Variants in FANCC observed in about 807,000 individuals in gnomAD.
The protein encoded by FANCC is FA complementation group C.
A neutral mutation model predicts 71.3 loss-of-function variants in FANCC; 55 were observed. The observed-to-expected ratio is 0.77, with a 90% confidence interval of 0.62 to 0.97. The LOEUF (loss-of-function observed/expected upper bound fraction) is 0.97, where lower values mean the gene tolerates loss of function less well. FANCC is among the 50% of genes least tolerant of loss of function. FANCC has a pLI of 0.00. For synonymous variants in FANCC, 275 were observed against 244.9 expected, an observed-to-expected ratio of 1.12 and a Z score of -1.15; for missense variants, 678 against 670.9, an observed-to-expected ratio of 1.01 and a Z score of -0.12.
At chr9:95,166,333 AT>A (rs1406510901) in intron 6 of FANCC, among the ~76,000 whole-genome samples, 1 of 151,644 alleles carries the variant, frequency 6.6e-6, no homozygotes, top group African/African-American at 2.4e-5. Flanking sequence ...GGTTTCATTG[AT>A]TTTTTTCATA....
At chr9:95,198,202 T>G (rs1183956732) in intron 4 of FANCC, among the ~76,000 whole-genome samples, 1 of 152,102 alleles carries the variant, frequency 6.6e-6, no homozygotes, top group Non-Finnish European at 1.5e-5. Context: ...GCTTGGGACT[T>G]AGGTGGGAAA....
chr9:95,104,014 G>A (rs948943954), intron 14 of FANCC, among the ~76,000 whole-genome samples: 3 of 152,182 alleles, frequency 2.0e-5, no homozygotes, highest in Admixed American at 6.5e-5. Context: ...AGGTCCTGAG[G>A]GTGGAGAGAC....
At chr9:95,292,245 T>C (rs961945452) in intron 1 of FANCC, 57 of 175,956 alleles carry the variant, frequency 3.2e-4, no homozygotes, top group African/African-American at 1.3e-3. Context: ...AAACTGGATA[T>C]CCACATGCAG....
chr9:95,107,155 G>C lies in FANCC; in HGVS notation c.1444C>G (p.Pro482Ala). 6.2e-7 allele frequency: 1 copy of C among 1,614,208 alleles called. No homozygotes were observed. Among genetic ancestry groups the C allele is most frequent in the South Asian group, 1.1e-5 (1 of 91,080 alleles). The stretch of plus-strand genomic sequence containing the variant: ...AGGTGCCTGATCAGCTGTTGTGCAG[G>C]AGCTCTGAGGTCTGTGTCTGTGCCC... ...GQGTDTDLRA[P>A]AQQLIRHLLL... The change falls in exon 14 of 15, where the codon CCT becomes GCT. Residue 482 changes from proline to alanine, a missense_variant. Coordinates refer to ENST00000289081, the MANE Select transcript of FANCC (RefSeq NM_000136.3).
intron 4 of FANCC, among the ~76,000 whole-genome samples, chr9:95,178,180 G>A (rs1045538324): frequency 2.0e-5 from 3 of 152,036 alleles, no homozygotes; most frequent in Admixed American, 2.0e-4. Flanking sequence ...AGTGAAAATG[G>A]ACTTGTACCC....
chr9:95,240,764 T>A, intron 3 of FANCC, 21 bp from the exon 4 acceptor site: 2 of 1,418,682 alleles, frequency 1.4e-6, no homozygotes, highest in East Asian at 2.3e-5. Flanking sequence ...GAAAACTTAA[T>A]AAGTTTTATC....
Position 95,141,311 on chromosome 9 carries a change from C to CA in FANCC, c.687-5810dup, listed in dbSNP as rs66627467. Reference sequence around the variant, plus strand: ...TGGGTGACAGAGTGAGACCCTGTCTCAAAAAAAAAAAAAAAAAAAAAAAAA... The same window carrying CA: ...TGGGTGACAGAGTGAGACCCTGTCTCAAAAAAAAAAAAAAAAAAAAAAAAAA... On this transcript the variant is annotated intron_variant, in intron 7 of 14. Transcript: ENST00000289081. Among the ~76,000 whole-genome samples the CA allele has an allele frequency of 3.4e-3, 185 of 54,868 alleles. 10 individuals are homozygous for CA. The highest frequency in any genetic ancestry group is 9.0e-3 in the African/African-American group (119 of 13,288). 36.0% of individuals were successfully genotyped at this position (54,868 alleles called of 152,430 possible).
At chr9:95,136,808 A>G (rs150571421) in intron 7 of FANCC, among the ~76,000 whole-genome samples, 20 of 152,280 alleles carry the variant, frequency 1.3e-4, no homozygotes, top group African/African-American at 4.3e-4. Context: ...GTGTAGCTAC[A>G]TTTGTTTCTA....
At position 95,100,874 on chromosome 9, in the gene FANCC, C is replaced by T. The variant is rs2071049758; in HGVS notation, c.*833G>A. ...GGAACTCCTGGGCTGAAGTAATCCC[C>T]CTGCCTTGGCCTCCCAAAGTGCTGG... is the stretch of plus-strand genomic sequence containing the variant. On this transcript the variant is annotated 3_prime_UTR_variant, in exon 15 of 15. Transcript: ENST00000289081. 4.3e-6 allele frequency: 1 copy of T among 231,724 alleles called. No homozygotes were observed. Among genetic ancestry groups the T allele is most frequent in the Non-Finnish European group, 8.5e-6 (1 of 117,156 alleles). The allele number at this position is 231,724 out of a possible 1,614,324, so 14.4% of individuals were successfully genotyped here. A position where few individuals can be genotyped will look rare whatever the true frequency, so the allele number is the denominator to read the frequency against.
chr9:95,311,709 CTGTGTGTGTGTG>C (rs56187288), intron 1 of FANCC, among the ~76,000 whole-genome samples: 6 of 144,494 alleles, frequency 4.2e-5, no homozygotes, highest in African/African-American at 7.7e-5. Flanking sequence ...TCCTCTGAAT[CTGTGTGTGTGTG>C]TGTGTGTGTG....
intron 1 of FANCC, among the ~76,000 whole-genome samples, chr9:95,266,494 C>A (rs1832392648): frequency 6.6e-6 from 1 of 152,208 alleles, no homozygotes; most frequent in South Asian, 2.1e-4. Context: ...TTAGCTCAAA[C>A]ACGTTATTTA....
At chr9:95,199,697 G>T (rs1433343448) in intron 4 of FANCC, among the ~76,000 whole-genome samples, 2 of 152,142 alleles carry the variant, frequency 1.3e-5, no homozygotes, top group African/African-American at 2.4e-5. Flanking sequence ...ACCACCAGAG[G>T]CTCCTGGTTT....
At chr9:95,184,102 T>C (rs1006895078) in intron 4 of FANCC, among the ~76,000 whole-genome samples, 4 of 152,124 alleles carry the variant, frequency 2.6e-5, no homozygotes, top group African/African-American at 9.7e-5. Context: ...GAATGCTGAA[T>C]TAGTTGCTTC....
intron 10 of FANCC, among the ~76,000 whole-genome samples, chr9:95,119,424 G>A (rs1382423832): frequency 6.6e-6 from 1 of 150,924 alleles, no homozygotes; most frequent in Non-Finnish European, 1.5e-5. Flanking sequence ...GGAGTGCAGT[G>A]GTGTGATCTT....
intron 4 of FANCC, among the ~76,000 whole-genome samples, chr9:95,187,558 TC>T (rs1826805659): frequency 6.6e-6 from 1 of 152,216 alleles, no homozygotes; most frequent in Admixed American, 6.5e-5. Flanking sequence ...ACCACCTTGG[TC>T]CCACCCAGCC....
chr9:95,118,927 T>C (rs547094339), intron 10 of FANCC, among the ~76,000 whole-genome samples: 1 of 152,362 alleles, frequency 6.6e-6, no homozygotes, highest in African/African-American at 2.4e-5. Context: ...CTCCTGGGGA[T>C]GCCATCGGAA....
In FANCC at chr9:95,268,958, C is replaced by A. The variant is rs977272457; in HGVS notation, c.-78-19589G>T. On this transcript the variant is annotated intron_variant, in intron 1 of 14. Coordinates refer to ENST00000289081, the MANE Select transcript of FANCC (RefSeq NM_000136.3). ...TGCTATAGCACAAGAGCACCACCTA[C>A]TGAGTTCCAAGGGACAATTTAGTCC... is the stretch of plus-strand genomic sequence containing the variant. Among the ~76,000 whole-genome samples, 5 of 152,302 alleles carry A rather than the reference C, an allele frequency of 3.3e-5. No individual in the cohort carries two copies. The South Asian group carries it at 8.3e-4, about 25-fold the overall frequency.
chr9:95,175,592 G>T (rs559464533), intron 4 of FANCC, among the ~76,000 whole-genome samples: 1 of 152,328 alleles, frequency 6.6e-6, no homozygotes, highest in Admixed American at 6.5e-5. Context: ...GGAGAGAGAG[G>T]GAGCAGCCAT....
intron 1 of FANCC, among the ~76,000 whole-genome samples, chr9:95,287,811 G>C (rs928684185): frequency 1.3e-5 from 2 of 152,176 alleles, no homozygotes; most frequent in Admixed American, 1.3e-4. Context: ...GCATGTTCTA[G>C]ACAGGAGCTG....
Sources: allele counts gnomAD v4.1 joint callset (sites outside exome capture counted in the v4.1 genomes callset), GRCh38; gene constraint gnomAD v4.1.1; transcripts MANE v1.5; gene names NCBI Gene and HGNC (gene_info 2026-07-23, HGNC 2026-07-21).